The following C8orf34 variants were observed in gnomAD, a reference collection of about 807,000 sequenced individuals.
C8orf34 encodes chromosome 8 open reading frame 34, also known as uncharacterized protein C8orf34.
C8orf34 carries 65 observed loss-of-function variants against 68.3 expected under a neutral mutation model. The ratio of observed to expected loss-of-function variants is 0.95; its 90% confidence interval spans 0.78 to 1.17. The LOEUF (loss-of-function observed/expected upper bound fraction) is 1.17. Ranked by LOEUF, C8orf34 falls within the 50% of genes most tolerant of loss-of-function variation. C8orf34 has a pLI of 0.00. For synonymous variants in C8orf34, 244 were observed against 241.2 expected (o/e 1.01, Z -0.11); for missense variants, 664 against 655.4 (o/e 1.01, Z -0.14).
In C8orf34 at chr8:68,533,428, G is replaced by C; in HGVS notation, c.1105+279G>C. 2.8e-6 allele frequency: 3 copies of C among 1,088,356 alleles called. No homozygotes were observed. In the South Asian group the frequency reaches 1.2e-4, roughly 45 times the overall value. 67.4% of individuals were successfully genotyped at this position (1,088,356 alleles called of 1,614,324 possible). A position where few individuals can be genotyped will look rare whatever the true frequency, so the allele number is the denominator to read the frequency against. ...ATGAAGCGTTATTCTGTGTGCAACT[G>C]TGATCAAAATTCAAGTCTGTCTGCT... is the stretch of plus-strand genomic sequence containing the variant. On this transcript the variant is annotated intron_variant, in intron 7 of 13. Coordinates refer to ENST00000518698, the MANE Select transcript of C8orf34 (RefSeq NM_052958.4).
At chr8:68,794,501 A>ATTTTTT (rs1376098308) in intron 12 of C8orf34, among the ~76,000 whole-genome samples, 2 of 81,922 alleles carry the variant, frequency 2.4e-5, no homozygotes, top group Non-Finnish European at 4.2e-5. Context: ...ATATATATAT[A>ATTTTTT]TATATTTTTT....
chr8:68,423,187 GT>G lies in C8orf34; in HGVS notation c.328-16307del, dbSNP rs529223308. Among the ~76,000 whole-genome samples, 895 of 152,230 alleles carry G rather than the reference GT, an allele frequency of 5.9e-3. 7 individuals carry two copies. The highest frequency in any genetic ancestry group is 0.021 in the African/African-American group (868 of 41,530). On this transcript the variant is annotated intron_variant, in intron 1 of 13. Transcript: ENST00000518698. ...GCTTGAATTTTTCCCCAGAAAATGA[GT>G]TTTTCCCTTCTATCACATTGTCAGT...
Position 68,437,061 on chromosome 8 carries a change from C to T in C8orf34, c.328-2438C>T, listed in dbSNP as rs114605919. Among the ~76,000 whole-genome samples, 1,162 of 152,238 alleles carry T rather than the reference C, an allele frequency of 7.6e-3. 15 individuals are homozygous for T. The highest frequency in any genetic ancestry group is 0.025 in the African/African-American group (1,057 of 41,542). ...TGTCCAACCAAGACACCCAACATGC[C>T]CTATTGCAAACATCGACTATGATCA... On this transcript the variant is annotated intron_variant, in intron 1 of 13. Transcript: ENST00000518698.
At chr8:68,380,017 T>A (rs1563391403) in intron 1 of C8orf34, among the ~76,000 whole-genome samples, 3 of 151,916 alleles carry the variant, frequency 2.0e-5, no homozygotes, top group Admixed American at 6.6e-5. Flanking sequence ...TACACCCCCC[T>A]TCTAATTTTA....
At position 68,742,075 on chromosome 8, in the gene C8orf34, T is replaced by C. The variant is rs559615717; in HGVS notation, c.1404+20638T>C. 7.8e-3 allele frequency among the ~76,000 whole-genome samples: 1,188 copies of C among 152,256 alleles called. 19 individuals are homozygous for C. Among genetic ancestry groups the C allele is most frequent in the African/African-American group, 0.027 (1,126 of 41,514 alleles). On this transcript the variant is annotated intron_variant, in intron 10 of 13. Transcript: ENST00000518698. ...TCATAACCTAGTTTTATTCTTCTTC[T>C]GGACTTGAACTCCAGCGTGTCAGTG...
chr8:68,757,324 C>T (rs1265966972), intron 10 of C8orf34, among the ~76,000 whole-genome samples: 1 of 151,912 alleles, frequency 6.6e-6, no homozygotes. Flanking sequence ...TTAACAAGTG[C>T]GAAAGATTAA....
intron 10 of C8orf34, among the ~76,000 whole-genome samples, chr8:68,761,598 A>G (rs957611720): frequency 1.3e-5 from 2 of 152,160 alleles, no homozygotes; most frequent in African/African-American, 4.8e-5. Flanking sequence ...AACTTCTTCA[A>G]CGATTCTTTA....
Position 68,588,408 on chromosome 8 carries a change from A to G in C8orf34, c.1106-51968A>G, listed in dbSNP as rs78925627. 8.2e-3 allele frequency among the ~76,000 whole-genome samples: 1,239 copies of G among 150,942 alleles called. 16 individuals carry two copies. The highest frequency in any genetic ancestry group is 0.029 in the African/African-American group (1,175 of 40,302). On this transcript the variant is annotated intron_variant, in intron 7 of 13. Coordinates refer to ENST00000518698, the MANE Select transcript of C8orf34 (RefSeq NM_052958.4). ...AGAATAAAGGAATATGCATTAAAAT[A>G]TTAACATTTTCAACACAAATCTTCT... is the stretch of plus-strand genomic sequence containing the variant.
chr8:68,746,344 C>T (rs1383056018), intron 10 of C8orf34, among the ~76,000 whole-genome samples: 2 of 107,642 alleles, frequency 1.9e-5, no homozygotes, highest in East Asian at 5.5e-4. Flanking sequence ...GCAGAGCAAA[C>T]ACATTCAAAA....
At chr8:68,371,999 C>T (rs1159321277) in intron 1 of C8orf34, among the ~76,000 whole-genome samples, 6 of 152,176 alleles carry the variant, frequency 3.9e-5, no homozygotes, top group African/African-American at 1.4e-4. Context: ...AACTTCATCA[C>T]AATCAAACAC....
intron 7 of C8orf34, among the ~76,000 whole-genome samples, chr8:68,594,547 G>A (rs1817486884): frequency 6.6e-6 from 1 of 152,040 alleles, no homozygotes; most frequent in African/African-American, 2.4e-5. Flanking sequence ...CCATCACCCA[G>A]GTAGTGAGCA....
chr8:68,550,000 A>G (rs1462430616), intron 7 of C8orf34, among the ~76,000 whole-genome samples: 1 of 151,776 alleles, frequency 6.6e-6, no homozygotes, highest in African/African-American at 2.4e-5. Context: ...ATTTAAAGAG[A>G]GTTTCTTGTA....
chr8:68,734,403 C>G (rs1822067746), intron 10 of C8orf34, among the ~76,000 whole-genome samples: 2 of 152,132 alleles, frequency 1.3e-5, no homozygotes, highest in Admixed American at 6.6e-5. Flanking sequence ...GGCCCCACCA[C>G]TTGAGGCCAA....
At chr8:68,472,931 G>A (rs1249641179) in intron 4 of C8orf34, among the ~76,000 whole-genome samples, 5 of 152,074 alleles carry the variant, frequency 3.3e-5, no homozygotes, top group African/African-American at 1.2e-4. Context: ...AGGACAAGTG[G>A]CTACCATACT....
intron 7 of C8orf34, among the ~76,000 whole-genome samples, chr8:68,542,727 T>A (rs1193352887): frequency 1.3e-5 from 2 of 152,132 alleles, no homozygotes; most frequent in Non-Finnish European, 2.9e-5. Context: ...TACATTTTAT[T>A]TATTTATTTT....
chr8:68,450,831 A>G (rs1208790861), intron 3 of C8orf34, among the ~76,000 whole-genome samples: 1 of 152,124 alleles, frequency 6.6e-6, no homozygotes, highest in Non-Finnish European at 1.5e-5. Context: ...ATGGTGAATA[A>G]GCATTGACTT....
intron 7 of C8orf34, chr8:68,534,653 T>G: frequency 1.0e-6 from 1 of 985,514 alleles, no homozygotes; most frequent in Non-Finnish European, 1.2e-6. Context: ...GTGGTCATTG[T>G]AGGTTTGCTC....
intron 7 of C8orf34, among the ~76,000 whole-genome samples, chr8:68,556,674 G>T (rs1563528281): frequency 6.6e-6 from 1 of 151,966 alleles, no homozygotes; most frequent in Non-Finnish European, 1.5e-5. Flanking sequence ...CATTACCCAG[G>T]GATCCTCGGC....
At chr8:68,456,143 C>T (rs1811541726) in intron 3 of C8orf34, among the ~76,000 whole-genome samples, 1 of 151,024 alleles carries the variant, frequency 6.6e-6, no homozygotes, top group Admixed American at 6.6e-5. Flanking sequence ...GTAGTCCCAC[C>T]TACTCGGGAG....
Sources: gnomAD v4.1 joint callset for allele counts (sites outside exome capture counted in the v4.1 genomes callset) on GRCh38, gnomAD v4.1.1 for gene constraint, MANE v1.5 for transcripts, NCBI Gene and HGNC (gene_info 2026-07-23, HGNC 2026-07-21) for gene names.